The following AFG3L2 variants were observed in gnomAD, a reference collection of about 807,000 sequenced individuals.
AFG3L2 encodes mitochondrial inner membrane m-AAA protease component AFG3L2.
AFG3L2 carries 54 observed loss-of-function variants against 94.5 expected under a neutral mutation model. The ratio of observed to expected loss-of-function variants is 0.57; its 90% CI spans 0.46 to 0.72. The LOEUF (loss-of-function observed/expected upper bound fraction) is 0.72, where lower values mean the gene tolerates loss of function less well. AFG3L2 is among the 30% of genes least tolerant of loss of function. The pLI is 0.00. For synonymous variants in AFG3L2, 377 were observed against 365.5 expected, an observed-to-expected ratio of 1.03 and a Z score of -0.36; for missense variants, 754 against 994.9, an observed-to-expected ratio of 0.76 and a Z score of 3.26.
At chr18:12,364,272 A>G (rs1397089814) in intron 5 of AFG3L2, among the ~76,000 whole-genome samples, 1 of 152,204 alleles carries the variant, frequency 6.6e-6, no homozygotes, top group Non-Finnish European at 1.5e-5. Flanking sequence ...ACGCCATGCT[A>G]TGACCACACC....
chr18:12,366,819 A>T, intron 5 of AFG3L2, 146 bp downstream of exon 5: 1 of 1,137,342 alleles, frequency 8.8e-7, no homozygotes, highest in Non-Finnish European at 1.3e-6. Context: ...TAGTTGCAGT[A>T]CTTCTCAGCA....
intron 6 of AFG3L2, among the ~76,000 whole-genome samples, chr18:12,362,220 C>T (rs3786261): frequency 0.17 from 25,624 of 152,220 alleles, 2,184 homozygotes; most frequent in South Asian, 0.32. Context: ...AAGAGTAGAA[C>T]TGATGTAAGG....
chr18:12,367,057 A>C lies in AFG3L2; in HGVS notation c.460T>G (p.Trp154Gly). 1 of 1,614,238 alleles carries C rather than the reference A, an allele frequency of 6.2e-7. No individual in the cohort carries two copies. The highest frequency in any genetic ancestry group is 8.5e-7 in the Non-Finnish European group (1 of 1,180,036). The part of the protein sequence containing the change: ...RMFFLWTALF[W>G]GGVMFYLLLK... ...AGCAAGTAAAACATGACTCCACCCC[A>C]GAACAGAGCAGTCCAGAGGAAGAAC... Residue 154 changes from tryptophan to glycine, a missense_variant, in exon 5 of 17, where the codon TGG (tryptophan) becomes GGG (glycine). Transcript: ENST00000269143.
At chr18:12,351,793 C>T (rs1402604582) in intron 10 of AFG3L2, among the ~76,000 whole-genome samples, 4 of 152,074 alleles carry the variant, frequency 2.6e-5, no homozygotes, top group African/African-American at 9.7e-5. Context: ...GTGATCCACC[C>T]GCCTGGGCCT....
At chr18:12,336,983 T>C (rs1363094418) in intron 16 of AFG3L2, 1 of 492,102 alleles carries the variant, frequency 2.0e-6, no homozygotes, top group Admixed American at 3.6e-5. Flanking sequence ...TACCTATTTA[T>C]TTTAGAGGTG....
chr18:12,331,400 G>C (rs1164868591), intron 16 of AFG3L2, among the ~76,000 whole-genome samples: 2 of 152,346 alleles, frequency 1.3e-5, no homozygotes, highest in African/African-American at 2.4e-5. Flanking sequence ...TGCCGGAGCA[G>C]AGCTCTGAAC....
chr18:12,370,427 C>G (rs1956890920), intron 3 of AFG3L2, among the ~76,000 whole-genome samples: 1 of 150,918 alleles, frequency 6.6e-6, no homozygotes, highest in African/African-American at 2.4e-5. Context: ...TATGTACTTG[C>G]AACCTACAGC....
chr18:12,358,020 A>AAAT (rs35898449), intron 8 of AFG3L2, among the ~76,000 whole-genome samples: 116,082 of 151,946 alleles, frequency 0.76, 44,598 homozygotes, highest in Non-Finnish European at 0.78. Context: ...AAAATCAAGG[A>AAAT]AATGATTATC....
chr18:12,352,055 G>T (rs1437905631), intron 10 of AFG3L2, among the ~76,000 whole-genome samples: 2 of 152,140 alleles, frequency 1.3e-5, no homozygotes, highest in East Asian at 3.9e-4. Context: ...GGATGTGTCT[G>T]ACACCCTGGG....
At chr18:12,348,466 GTT>G in intron 12 of AFG3L2, 83 bp from the exon 13 acceptor site, 1 of 1,054,936 alleles carries the variant, frequency 9.5e-7, no homozygotes, top group Non-Finnish European at 1.5e-6. Context: ...CAAATCCATA[GTT>G]AATTTTTAAA....
Position 12,337,631 on chromosome 18 carries a change from T to C in AFG3L2, c.1981-96A>G, listed in dbSNP as rs907149895. On this transcript the variant is annotated intron_variant, in intron 15 of 16. Coordinates refer to ENST00000269143, the MANE Select transcript of AFG3L2 (RefSeq NM_006796.3). ...TGGAGCCGGCTAAAGTGCACAAAGG[T>C]GCTCTGTGTAGCCAGCAGCAGCAGC... 1.7e-5 allele frequency: 20 copies of C among 1,165,438 alleles called. No homozygotes were observed. The Admixed American group carries it at 3.5e-4, about 20-fold the overall frequency. 72.2% of individuals were successfully genotyped at this position (1,165,438 alleles called of 1,614,324 possible). A position where few individuals can be genotyped will look rare whatever the true frequency, so the allele number is the denominator to read the frequency against.
At chr18:12,375,454 C>T (rs1361935376) in intron 1 of AFG3L2, among the ~76,000 whole-genome samples, 5 of 150,208 alleles carry the variant, frequency 3.3e-5, no homozygotes, top group Non-Finnish European at 7.4e-5. Flanking sequence ...GGAGCTGTGG[C>T]TCAGGTCTGT....
chr18:12,367,026 T>C lies in AFG3L2; in HGVS notation c.491A>G (p.Lys164Arg). ...WGGVMFYLLL[K>R]RSGREITWKD... Reference sequence around the variant, plus strand: ...CCAAGTGATTTCTCTCCCGGATCTCTTGAGCAGCAAGTAAAACATGACTCC... The same window carrying C: ...CCAAGTGATTTCTCTCCCGGATCTCCTGAGCAGCAAGTAAAACATGACTCC... The change falls in exon 5 of 17, where the codon AAG (lysine) becomes AGG (arginine). Residue 164 changes from lysine (K) to arginine (R), a missense_variant. Lys to Arg is a conservative substitution (Grantham distance 26). Coordinates refer to ENST00000269143, the MANE Select transcript of AFG3L2 (RefSeq NM_006796.3). 1.2e-6 allele frequency: 2 copies of C among 1,614,204 alleles called. No homozygotes were observed. Among genetic ancestry groups the C allele is most frequent in the East Asian group, 2.2e-5 (1 of 44,886 alleles).
chr18:12,340,131 T>C (rs1907900086), intron 15 of AFG3L2, 70 bp downstream of exon 15: 2 of 1,388,154 alleles, frequency 1.4e-6, no homozygotes, highest in Non-Finnish European at 2.0e-6. Context: ...TTCAGAGCCA[T>C]TCATAGAATG....
intron 9 of AFG3L2, among the ~76,000 whole-genome samples, chr18:12,354,279 A>G (rs2143176416): frequency 6.6e-6 from 1 of 152,134 alleles, no homozygotes; most frequent in Middle Eastern, 3.4e-3. Context: ...TCTGTGACCT[A>G]CAGACCCACA....
At chr18:12,333,435 G>GTAGCCTC (rs1428079579) in intron 16 of AFG3L2, among the ~76,000 whole-genome samples, 6 of 148,748 alleles carry the variant, frequency 4.0e-5, no homozygotes, top group African/African-American at 7.5e-5. Flanking sequence ...ACAGCTCACT[G>GTAGCCTC]TAGCCTCTAG....
intron 3 of AFG3L2, among the ~76,000 whole-genome samples, chr18:12,368,274 G>A (rs1017600605): frequency 1.3e-5 from 2 of 152,252 alleles, no homozygotes; most frequent in Middle Eastern, 3.4e-3. Context: ...CAGGAGAATC[G>A]CTTGAGTCCT....
At chr18:12,349,168 C>G (rs1207442577) in intron 12 of AFG3L2, among the ~76,000 whole-genome samples, 1 of 152,166 alleles carries the variant, frequency 6.6e-6, no homozygotes, top group Non-Finnish European at 1.5e-5. Flanking sequence ...TGAAAAGATG[C>G]TCAACATCAC....
chr18:12,330,686 G>A (rs187166109), intron 16 of AFG3L2, among the ~76,000 whole-genome samples: 4 of 152,052 alleles, frequency 2.6e-5, no homozygotes, highest in Admixed American at 2.6e-4. Flanking sequence ...GCCGAGGCAG[G>A]AGAATGGCTT....
Sources: gnomAD v4.1 joint callset for allele counts (sites outside exome capture counted in the v4.1 genomes callset) on GRCh38, gnomAD v4.1.1 for gene constraint, MANE v1.5 for transcripts, NCBI Gene and HGNC (gene_info 2026-07-23, HGNC 2026-07-21) for gene names.